Variants in TMEM74 observed in about 807,000 individuals in gnomAD.
TMEM74 encodes transmembrane protein 74.
TMEM74 carries 13 observed loss-of-function variants against 18.1 expected under a neutral mutation model. That is an observed-to-expected ratio of 0.72 (90% CI 0.47 to 1.14). The LOEUF is 1.14. TMEM74 is among the 50% of genes most tolerant of loss of function. The pLI, the probability that TMEM74 is intolerant of heterozygous loss-of-function variation, is 0.00. For missense variants in TMEM74, 372 were observed against 375.9 expected (o/e 0.99, Z 0.09); for synonymous variants, 159 against 146.6 (o/e 1.08, Z -0.61).
intron 1 of TMEM74, among the ~76,000 whole-genome samples, chr8:108,750,777 G>A (rs3019369): frequency 0.31 from 47,581 of 152,042 alleles, 7,703 homozygotes; most frequent in East Asian, 0.41. Context: ...GCGCATGTGG[G>A]CAGCCCTCCC....
chr8:108,690,712 C>T (rs1483041675), intron 1 of TMEM74, among the ~76,000 whole-genome samples: 3 of 152,108 alleles, frequency 2.0e-5, no homozygotes, highest in Non-Finnish European at 4.4e-5. Context: ...GCCCCAGCTA[C>T]TCAGGAGGCT....
At chr8:108,744,777 T>C (rs1813833523) in intron 1 of TMEM74, among the ~76,000 whole-genome samples, 1 of 152,192 alleles carries the variant, frequency 6.6e-6, no homozygotes, top group African/African-American at 2.4e-5. Flanking sequence ...ACAATTGGCA[T>C]GCCCTTGTTT....
chr8:108,619,754 A>G (rs1428287488), intron 2 of TMEM74, among the ~76,000 whole-genome samples: 2 of 152,160 alleles, frequency 1.3e-5, no homozygotes, highest in African/African-American at 2.4e-5. Flanking sequence ...ATTTGAAGCT[A>G]CACCATTTTG....
chr8:108,640,025 A>G (rs1315729278), intron 2 of TMEM74, among the ~76,000 whole-genome samples: 1 of 151,664 alleles, frequency 6.6e-6, no homozygotes, highest in Admixed American at 6.6e-5. Flanking sequence ...CAGTTAGCCT[A>G]GATACTTCTT....
At chr8:108,698,469 TCTCTGG>T (rs2130613065) in intron 1 of TMEM74, among the ~76,000 whole-genome samples, 1 of 152,352 alleles carries the variant, frequency 6.6e-6, no homozygotes, top group African/African-American at 2.4e-5. Flanking sequence ...GTTATTTAAT[TCTCTGG>T]TATATCATGA....
intron 1 of TMEM74, among the ~76,000 whole-genome samples, chr8:108,768,735 G>T (rs1814137927): frequency 6.6e-6 from 1 of 152,130 alleles, no homozygotes; most frequent in Admixed American, 6.5e-5. Context: ...CCTACCTGCT[G>T]CTCTCAGGTC....
chr8:108,641,565 A>C (rs1586243963), intron 2 of TMEM74, among the ~76,000 whole-genome samples: 1 of 152,042 alleles, frequency 6.6e-6, no homozygotes, highest in East Asian at 1.9e-4. Flanking sequence ...TAACTCACCC[A>C]CAATACAGCT....
chr8:108,703,944 G>A (rs942608628), intron 1 of TMEM74, among the ~76,000 whole-genome samples: 5 of 152,322 alleles, frequency 3.3e-5, no homozygotes, highest in South Asian at 2.1e-4. Flanking sequence ...AAGGCTAGCA[G>A]AAGTAAAACT....
intron 1 of TMEM74, among the ~76,000 whole-genome samples, chr8:108,703,245 C>T (rs1272962865): frequency 1.3e-5 from 2 of 152,194 alleles, no homozygotes; most frequent in Admixed American, 1.3e-4. Flanking sequence ...CCCAAATTAT[C>T]ATCTTCACTA....
chr8:108,671,245 G>C (rs1308512170), intron 1 of TMEM74, among the ~76,000 whole-genome samples: 1 of 152,104 alleles, frequency 6.6e-6, no homozygotes, highest in Non-Finnish European at 1.5e-5. Context: ...CCTCCAATTT[G>C]GCTTAGAATA....
At chr8:108,642,965 T>A (rs573854228) in intron 2 of TMEM74, among the ~76,000 whole-genome samples, 1 of 152,212 alleles carries the variant, frequency 6.6e-6, no homozygotes, top group Non-Finnish European at 1.5e-5. Context: ...CATTTATTGG[T>A]GTACTCAACA....
intron 2 of TMEM74, among the ~76,000 whole-genome samples, chr8:108,632,052 T>G (rs1812557960): frequency 6.6e-6 from 1 of 151,886 alleles, no homozygotes; most frequent in South Asian, 2.1e-4. Flanking sequence ...GGCAGGTGAG[T>G]GAACAGAAGG....
intron 2 of TMEM74, among the ~76,000 whole-genome samples, chr8:108,624,305 C>A (rs1481967299): frequency 1.3e-5 from 2 of 152,034 alleles, no homozygotes; most frequent in Non-Finnish European, 2.9e-5. Context: ...AATGCAATAA[C>A]CTACTGTTAA....
rs73309880 is a variant in TMEM74 at position 108,746,559 on chromosome 8, C to G, written n.119+40917G>C. Among the ~76,000 whole-genome samples the G allele has an allele frequency of 3.8e-3, 580 of 152,148 alleles. 4 individuals carry two copies. Among genetic ancestry groups the G allele is most frequent in the African/African-American group, 0.013 (531 of 41,514 alleles). The stretch of plus-strand genomic sequence containing the variant: ...ATAAAAATATATATTTGGTCTTCAT[C>G]TAGTTACTGACACAGAGCTCCTAAA... On this transcript the variant is annotated intron_variant and non_coding_transcript_variant, in intron 1 of 3. Coordinates refer to the TMEM74 transcript ENST00000518838.
In TMEM74 at chr8:108,708,510, G is replaced by A. The variant is rs549206889; in HGVS notation, n.120-53073C>T. Among the ~76,000 whole-genome samples the A allele has an allele frequency of 2.1e-4, 32 of 151,862 alleles. 1 individual carries two copies. The Middle Eastern group carries it at 0.01, about 49-fold the overall frequency. On this transcript the variant is annotated intron_variant and non_coding_transcript_variant, in intron 1 of 3. Transcript: ENST00000518838. ...AACTTATACTACCACCCTTTTCTCC[G>A]CAGCCTCACCAGAATCTGTTATTTT...
chr8:108,610,336 C>T (rs2130532611), intron 2 of TMEM74, among the ~76,000 whole-genome samples: 1 of 152,088 alleles, frequency 6.6e-6, no homozygotes, highest in South Asian at 2.1e-4. Context: ...TAATTATGGA[C>T]CTCCAGAAAT....
At chr8:108,634,783 A>G (rs1176061315) in intron 2 of TMEM74, among the ~76,000 whole-genome samples, 1 of 152,022 alleles carries the variant, frequency 6.6e-6, no homozygotes, top group Non-Finnish European at 1.5e-5. Flanking sequence ...GAATCTGGGT[A>G]ATGCAAATGA....
chr8:108,700,168 T>TGTGTGTGTGTG (rs1813321732), intron 1 of TMEM74, among the ~76,000 whole-genome samples: 5 of 150,234 alleles, frequency 3.3e-5, no homozygotes, highest in South Asian at 2.1e-4. Context: ...TGTGTGTGTG[T>TGTGTGTGTGTG]TCATTGTGGG....
At chr8:108,764,391 T>C (rs986109267) in intron 1 of TMEM74, among the ~76,000 whole-genome samples, 8 of 152,094 alleles carry the variant, frequency 5.3e-5, no homozygotes, top group African/African-American at 1.9e-4. Flanking sequence ...AATGTGTCTT[T>C]CCTAGAGGGA....
Sources: gnomAD v4.1 joint callset for allele counts (sites outside exome capture counted in the v4.1 genomes callset) on GRCh38, gnomAD v4.1.1 for gene constraint, MANE v1.5 for transcripts, NCBI Gene and HGNC (gene_info 2026-07-23, HGNC 2026-07-21) for gene names.